The following CDKN2A variants were observed in gnomAD, a reference collection of about 807,000 sequenced individuals.
CDKN2A encodes the protein cyclin dependent kinase inhibitor 2A.
Under a neutral mutation model 11.1 loss-of-function variants are expected in CDKN2A, and 3 were observed. The ratio of observed to expected loss-of-function variants is 0.27; its 90% confidence interval spans 0.12 to 0.70. CDKN2A has a LOEUF of 0.70. Ranked by LOEUF, CDKN2A falls within the 30% of genes least tolerant of loss-of-function variation. The probability of loss-of-function intolerance (pLI) is 0.77; values close to 1 mark genes in which losing one functional copy is unlikely to be tolerated. For synonymous variants in CDKN2A, 122 were observed against 108.1 expected, an observed-to-expected ratio of 1.13 and a Z score of -0.80; for missense variants, 265 against 233.6, an observed-to-expected ratio of 1.13 and a Z score of -0.88.
At position 21,968,158 on chromosome 9, in the gene CDKN2A, G is replaced by T; in HGVS notation, c.*71C>A. The T allele has an allele frequency of 7.4e-7, 1 of 1,353,922 alleles. No homozygotes were observed. The highest frequency in any genetic ancestry group is 1.1e-6 in the Non-Finnish European group (1 of 947,786). The allele number at this position is 1,353,922 out of a possible 1,614,324, so 83.9% of individuals were successfully genotyped here. Reference sequence around the variant, plus strand: ...GGGGTGGGTTGTGGCGGGGGCAGTTGTGGCCCTGTAGGACCTTCGGTGACT... The same window carrying T: ...GGGGTGGGTTGTGGCGGGGGCAGTTTTGGCCCTGTAGGACCTTCGGTGACT... On this transcript the variant is annotated 3_prime_UTR_variant, in exon 3 of 3. Transcript: ENST00000304494. The surrounding 1 kb of genome is among the most constrained non-coding windows in gnomAD (Gnocchi z 4.7).
At chr9:21,994,771 C>A in intron 1 of CDKN2A, 1 of 188,508 alleles carries the variant, frequency 5.3e-6, no homozygotes, top group Non-Finnish European at 1.1e-5. Flanking sequence ...TGGAACGCAA[C>A]TCCAGGCAGC....
chr9:21,973,080 T>C (rs528206362), intron 1 of CDKN2A, among the ~76,000 whole-genome samples: 2 of 152,322 alleles, frequency 1.3e-5, no homozygotes, highest in South Asian at 2.1e-4. Context: ...GACAAAATGT[T>C]GCAGTATATT....
At chr9:21,971,462 G>A in intron 1 of CDKN2A, 2 of 1,031,220 alleles carry the variant, frequency 1.9e-6, no homozygotes, top group South Asian at 1.7e-5. Context: ...TGAGGCACGG[G>A]CAAAATAGCA....
chr9:21,984,552 C>T (rs1306633768), intron 2 of CDKN2A, among the ~76,000 whole-genome samples: 1 of 152,028 alleles, frequency 6.6e-6, no homozygotes, highest in Non-Finnish European at 1.5e-5. Flanking sequence ...CTAACACAAG[C>T]ATATATAATA....
In CDKN2A at chr9:21,974,412, A is replaced by G. The variant is rs1432628358; in HGVS notation, c.150+266T>C. On this transcript the variant is annotated intron_variant, in intron 1 of 2. Transcript: ENST00000304494. The surrounding 1 kb of genome is among the most constrained non-coding windows in gnomAD (Gnocchi z 5.2). ...TCTGATAAAGAGCATACTTCCATCTAATACAAATATGTTCCCCCCTTCAGA... is the reference window on the plus strand; with the variant it reads ...TCTGATAAAGAGCATACTTCCATCTGATACAAATATGTTCCCCCCTTCAGA... The G allele has an allele frequency of 5.0e-6, 8 of 1,600,914 alleles. No homozygotes were observed. Among genetic ancestry groups the G allele is most frequent in the Non-Finnish European group, 6.8e-6 (8 of 1,172,218 alleles).
At chr9:21,977,596 C>A (rs1820070846), upstream of CDKN2A, among the ~76,000 whole-genome samples, 1 of 152,130 alleles carries the variant, frequency 6.6e-6, no homozygotes, top group Admixed American at 6.5e-5. Flanking sequence ...GAACTCCTGA[C>A]CTCAGGTGAT....
upstream of CDKN2A, among the ~76,000 whole-genome samples, chr9:21,978,791 A>T (rs1018873490): frequency 3.3e-5 from 5 of 152,184 alleles, no homozygotes; most frequent in Non-Finnish European, 7.3e-5. Context: ...GGCAGAGGGG[A>T]GTAGGTCAAA....
chr9:21,971,288 C>A, intron 1 of CDKN2A, 80 bp from the exon 2 acceptor site: 2 of 1,540,258 alleles, frequency 1.3e-6, no homozygotes, highest in Non-Finnish European at 8.7e-7. Flanking sequence ...GCCCCCTCAC[C>A]GCCAAGCAGA....
Position 21,988,446 on chromosome 9 carries a change from C to G in CDKN2A, c.-4+5436G>C, listed in dbSNP as rs1244413289. On this transcript the variant is annotated intron_variant, in intron 2 of 3. Coordinates refer to the CDKN2A transcript ENST00000494262. This position sits in a 1 kb window ranked among gnomAD's most constrained non-coding sequence, Gnocchi z 4.1. ...ATTACTTCTTTTTGATTGTAGAGTT[C>G]TGCCCAAATGAAACCATCATTCCAG... 2.0e-5 allele frequency among the ~76,000 whole-genome samples: 3 copies of G among 151,946 alleles called. No homozygotes were observed. Among genetic ancestry groups the G allele is most frequent in the African/African-American group, 4.8e-5 (2 of 41,342 alleles).
chr9:21,994,402 C>T, intron 1 of CDKN2A: 2 of 1,607,028 alleles, frequency 1.2e-6, no homozygotes, highest in Non-Finnish European at 1.7e-6. Context: ...TGAGCAGCGC[C>T]ACTCCTGCCC....
intron 2 of CDKN2A, among the ~76,000 whole-genome samples, chr9:21,969,122 C>G (rs1463431349): frequency 6.6e-6 from 1 of 152,154 alleles, no homozygotes; most frequent in East Asian, 1.9e-4. Flanking sequence ...CGTCTGTTTC[C>G]CAGGTCGGGC....
chr9:21,993,788 C>T, intron 2 of CDKN2A: 1 of 317,764 alleles, frequency 3.1e-6, no homozygotes. Context: ...GCTTGAAATA[C>T]ACCTTTCCTA....
rs1820361569 is a variant in CDKN2A, at chr9:21,988,915, T to G, written c.-4+4967A>C. On this transcript the variant is annotated intron_variant, in intron 2 of 3. Transcript: ENST00000494262. The surrounding 1 kb of genome is among the most constrained non-coding windows in gnomAD (Gnocchi z 4.1). ...CCATTCCCTTTAGATGGAAACGTTC[T>G]TTGGTCCACCAAGCCCTATCGTTCT... 6.6e-6 allele frequency among the ~76,000 whole-genome samples: 1 copy of G among 152,226 alleles called. No individual in the cohort carries two copies. The highest frequency in any genetic ancestry group is 2.4e-5 in the African/African-American group (1 of 41,468).
intron 2 of CDKN2A, among the ~76,000 whole-genome samples, chr9:21,987,010 A>G (rs1425602873): frequency 1.3e-5 from 2 of 152,270 alleles, no homozygotes; most frequent in South Asian, 2.1e-4. Flanking sequence ...GAGAAAAGAA[A>G]GCAAAACAAG....
At chr9:21,987,665 C>A (rs1820334606) in intron 2 of CDKN2A, among the ~76,000 whole-genome samples, 1 of 152,012 alleles carries the variant, frequency 6.6e-6, no homozygotes, top group Non-Finnish European at 1.5e-5. Context: ...TACAAAGGGT[C>A]ACATAATAAT....
upstream of CDKN2A, among the ~76,000 whole-genome samples, chr9:21,978,133 G>T: frequency 8.4e-6 from 1 of 118,426 alleles, no homozygotes; most frequent in Non-Finnish European, 1.7e-5. Context: ...GGGGGGAGGG[G>T]GGAGGGATAG....
At chr9:21,971,291 C>G in intron 1 of CDKN2A, 83 bp from the exon 2 acceptor site, 2 of 1,538,706 alleles carry the variant, frequency 1.3e-6, no homozygotes, top group South Asian at 2.4e-5. Context: ...CCCTCACCGC[C>G]AAGCAGACCC....
upstream of CDKN2A, among the ~76,000 whole-genome samples, chr9:21,977,052 T>A (rs1306295644): frequency 6.6e-6 from 1 of 152,252 alleles, no homozygotes; most frequent in African/African-American, 2.4e-5. Flanking sequence ...GTATATCTTG[T>A]ACTTTTAGTG....
At chr9:21,994,413 C>G (rs771139743) in intron 1 of CDKN2A, 2 of 1,605,516 alleles carry the variant, frequency 1.2e-6, no homozygotes, top group African/African-American at 1.3e-5. Flanking sequence ...ACTCCTGCCC[C>G]CTTAACTGCA....
Sources: gnomAD v4.1 joint callset for allele counts (sites outside exome capture counted in the v4.1 genomes callset) on GRCh38, gnomAD v4.1.1 for gene constraint, Gnocchi (gnomAD v3.1) non-coding constraint, MANE v1.5 for transcripts, NCBI Gene and HGNC (gene_info 2026-07-23, HGNC 2026-07-21) for gene names.